CACNA2D1: variants seen among roughly 807,000 people sequenced by gnomAD.
CACNA2D1 encodes voltage-dependent calcium channel subunit alpha-2/delta-1.
CACNA2D1 carries 53 observed loss-of-function variants against 171.5 expected under a neutral mutation model. The ratio of observed to expected loss-of-function variants is 0.31; its 90% CI spans 0.25 to 0.39. The LOEUF (loss-of-function observed/expected upper bound fraction) is 0.39. CACNA2D1 is among the 10% of genes least tolerant of loss of function. The pLI is 1.00. For missense variants in CACNA2D1, 903 were observed against 1,299.8 expected (o/e 0.69, Z 4.69); for synonymous variants, 442 against 443.1 (o/e 1.00, Z 0.03).
At chr7:82,033,517 T>C (rs1802957001) in intron 11 of CACNA2D1, among the ~76,000 whole-genome samples, 2 of 152,112 alleles carry the variant, frequency 1.3e-5, no homozygotes, top group Admixed American at 1.3e-4. Flanking sequence ...TCCCTCTTTA[T>C]TCATTCTACT....
chr7:82,397,471 T>G (rs1825862687), intron 1 of CACNA2D1, among the ~76,000 whole-genome samples: 1 of 152,212 alleles, frequency 6.6e-6, no homozygotes, highest in Admixed American at 6.5e-5. Context: ...AAAGTATTTT[T>G]ATATTGCAAG....
At chr7:82,011,523 A>G (rs1799773298) in intron 15 of CACNA2D1, among the ~76,000 whole-genome samples, 1 of 152,186 alleles carries the variant, frequency 6.6e-6, no homozygotes, top group Non-Finnish European at 1.5e-5. Flanking sequence ...TAAAATGTCA[A>G]TTGTGCGATG....
chr7:82,264,060 G>A (rs1476801543), intron 3 of CACNA2D1, among the ~76,000 whole-genome samples: 1 of 152,042 alleles, frequency 6.6e-6, no homozygotes, highest in African/African-American at 2.4e-5. Flanking sequence ...TCTTTAAAAA[G>A]GATGTTTATG....
chr7:82,261,458 T>C lies in CACNA2D1; in HGVS notation c.294+73677A>G, dbSNP rs1184263380. On this transcript the variant is annotated intron_variant, in intron 3 of 38. Coordinates refer to ENST00000356860, the MANE Select transcript of CACNA2D1 (RefSeq NM_000722.4). ...CTTTGCCATGGTATTTCCATTTTAGTAAGCTTTCCTTAGTAAAGTCTGCTT... is the reference window on the plus strand; with the variant it reads ...CTTTGCCATGGTATTTCCATTTTAGCAAGCTTTCCTTAGTAAAGTCTGCTT... 2.6e-5 allele frequency among the ~76,000 whole-genome samples: 4 copies of C among 152,350 alleles called. No individual in the cohort carries two copies. In the East Asian group the frequency reaches 7.7e-4, roughly 29 times the overall value.
chr7:82,435,831 G>C (rs1830075703), intron 1 of CACNA2D1, among the ~76,000 whole-genome samples: 2 of 152,094 alleles, frequency 1.3e-5, no homozygotes, highest in Non-Finnish European at 2.9e-5. Flanking sequence ...TATTGCAAAT[G>C]TCGATGTAAT....
intron 3 of CACNA2D1, among the ~76,000 whole-genome samples, chr7:82,283,897 G>C (rs1810434427): frequency 6.6e-6 from 1 of 152,070 alleles, no homozygotes; most frequent in Non-Finnish European, 1.5e-5. Flanking sequence ...TGCCCACCTT[G>C]CAGCATGTAA....
chr7:81,997,412 C>T (rs1798157592), intron 18 of CACNA2D1, among the ~76,000 whole-genome samples, 162 bp from the exon 19 acceptor site: 1 of 149,852 alleles, frequency 6.7e-6, no homozygotes. Context: ...ATATATATAG[C>T]TTATATATAA....
At chr7:82,169,839 T>C (rs912902144) in intron 4 of CACNA2D1, among the ~76,000 whole-genome samples, 1 of 135,688 alleles carries the variant, frequency 7.4e-6, no homozygotes, top group Non-Finnish European at 1.7e-5. Context: ...AAGTACTTTC[T>C]GATTATTAAG....
At chr7:82,436,155 T>C (rs1421109423) in intron 1 of CACNA2D1, among the ~76,000 whole-genome samples, 1 of 152,188 alleles carries the variant, frequency 6.6e-6, no homozygotes, top group African/African-American at 2.4e-5. Context: ...ATCATCACGT[T>C]AATTGTTGAA....
intron 35 of CACNA2D1, 65 bp from the exon 36 acceptor site, chr7:81,962,088 C>G: frequency 6.7e-7 from 1 of 1,493,010 alleles, no homozygotes. Context: ...GTAGTCACTC[C>G]CCTCGAGTCT....
At chr7:82,279,164 G>A (rs1809747537) in intron 3 of CACNA2D1, among the ~76,000 whole-genome samples, 1 of 152,096 alleles carries the variant, frequency 6.6e-6, no homozygotes, top group African/African-American at 2.4e-5. Context: ...TTCTTGTTAA[G>A]GTAATTCCAT....
rs1425119256 is a variant in CACNA2D1, at chr7:82,221,664, A to T, written c.295-51055T>A. 3.9e-5 allele frequency among the ~76,000 whole-genome samples: 6 copies of T among 152,020 alleles called. No individual in the cohort carries two copies. In the East Asian group the frequency reaches 1.2e-3, roughly 30 times the overall value. Reference sequence around the variant, plus strand: ...GAGGCTGAGGCAGGAGAATCGCTTGAACCAGGGAGATGGAGGTTGCAGTGA... The same window carrying T: ...GAGGCTGAGGCAGGAGAATCGCTTGTACCAGGGAGATGGAGGTTGCAGTGA... On this transcript the variant is annotated intron_variant, in intron 3 of 38. Coordinates refer to ENST00000356860, the MANE Select transcript of CACNA2D1 (RefSeq NM_000722.4).
intron 3 of CACNA2D1, among the ~76,000 whole-genome samples, chr7:82,232,789 G>A (rs1200033276): frequency 2.2e-5 from 3 of 138,068 alleles, no homozygotes; most frequent in African/African-American, 5.3e-5. Context: ...GCTTGAATCC[G>A]GGAGGCAGAG....
At chr7:82,350,093 G>A (rs1479879900) in intron 1 of CACNA2D1, among the ~76,000 whole-genome samples, 2 of 152,126 alleles carry the variant, frequency 1.3e-5, no homozygotes, top group Admixed American at 6.5e-5. Context: ...ACAATTTGAT[G>A]CATTCCCTTC....
At chr7:82,050,626 A>C (rs749518509) in intron 10 of CACNA2D1, 5 of 702,680 alleles carry the variant, frequency 7.1e-6, no homozygotes, top group Non-Finnish European at 1.0e-5. Context: ...TCTCTTTACT[A>C]TCCTGGAATG....
intron 1 of CACNA2D1, among the ~76,000 whole-genome samples, chr7:82,405,818 G>T (rs1247602524): frequency 6.6e-6 from 1 of 152,100 alleles, no homozygotes; most frequent in Non-Finnish European, 1.5e-5. Context: ...AAAAAGAAAA[G>T]AATGTATTTT....
intron 12 of CACNA2D1, 134 bp from the exon 13 acceptor site, chr7:82,014,613 A>C: frequency 1.5e-6 from 1 of 663,314 alleles, no homozygotes; most frequent in East Asian, 2.7e-5. Flanking sequence ...TGAGGCCAGT[A>C]AAGCCTTCAG....
At chr7:82,235,105 G>A (rs1215286456) in intron 3 of CACNA2D1, among the ~76,000 whole-genome samples, 1 of 151,944 alleles carries the variant, frequency 6.6e-6, no homozygotes, top group Non-Finnish European at 1.5e-5. Flanking sequence ...ACTAAAAAAG[G>A]AAAATAACAT....
At chr7:82,178,464 G>A (rs537545306) in intron 3 of CACNA2D1, among the ~76,000 whole-genome samples, 5 of 152,108 alleles carry the variant, frequency 3.3e-5, no homozygotes, top group African/African-American at 7.2e-5. Flanking sequence ...GCAGCTCTAC[G>A]TTTTGCCACC....
Sources: gnomAD v4.1 joint callset for allele counts (sites outside exome capture counted in the v4.1 genomes callset) on GRCh38, gnomAD v4.1.1 for gene constraint, MANE v1.5 for transcripts, NCBI Gene and HGNC (gene_info 2026-07-23, HGNC 2026-07-21) for gene names.